Variants in RIT2 observed in about 807,000 individuals in gnomAD.
RIT2 encodes GTP-binding protein Rit2.
A neutral mutation model predicts 23.7 loss-of-function variants in RIT2; 24 were observed. The observed-to-expected ratio is 1.01, with a 90% CI of 0.73 to 1.43. RIT2 has a LOEUF of 1.43. Among genes scored for constraint, RIT2 ranks in the 40% most tolerant of loss-of-function variants. The pLI is 0.00. For synonymous variants in RIT2, 107 were observed against 91.1 expected (o/e 1.17, Z -0.99); for missense variants, 236 against 266.9 (o/e 0.88, Z 0.81).
intron 4 of RIT2, among the ~76,000 whole-genome samples, chr18:42,870,837 G>A (rs73471633): frequency 0.026 from 3,891 of 152,180 alleles, 164 homozygotes; most frequent in African/African-American, 0.086. Context: ...TAGGAAATTC[G>A]CTTTTAGCAG....
chr18:42,766,943 A>G (rs1322059745), intron 4 of RIT2, among the ~76,000 whole-genome samples: 1 of 152,214 alleles, frequency 6.6e-6, no homozygotes, highest in Non-Finnish European at 1.5e-5. Flanking sequence ...ACAGAAGTCA[A>G]TAATTTAGGT....
chr18:42,762,621 C>A (rs1373024787), intron 4 of RIT2, among the ~76,000 whole-genome samples: 1 of 152,094 alleles, frequency 6.6e-6, no homozygotes, highest in Admixed American at 6.6e-5. Context: ...ATCAAAGTGA[C>A]CTGAATTCAC....
chr18:43,113,474 T>C (rs1484107739), intron 1 of RIT2, among the ~76,000 whole-genome samples: 1 of 152,176 alleles, frequency 6.6e-6, no homozygotes, highest in Non-Finnish European at 1.5e-5. Context: ...ACTTCTATTG[T>C]ACAAAGCAAA....
chr18:43,001,598 T>C (rs1911109570), intron 2 of RIT2, among the ~76,000 whole-genome samples: 1 of 151,940 alleles, frequency 6.6e-6, no homozygotes, highest in Non-Finnish European at 1.5e-5. Context: ...TGGAAACAGA[T>C]AGGGAAGATC....
At chr18:42,910,665 TG>T (rs1908746555) in intron 4 of RIT2, among the ~76,000 whole-genome samples, 1 of 152,100 alleles carries the variant, frequency 6.6e-6, no homozygotes, top group African/African-American at 2.4e-5. Context: ...GGAGTTCAGC[TG>T]GGGATAGTTG....
At chr18:42,984,831 T>C (rs9957777) in intron 2 of RIT2, among the ~76,000 whole-genome samples, 25,910 of 151,978 alleles carry the variant, frequency 0.17, 2,401 homozygotes, top group Middle Eastern at 0.23. Context: ...TCATGATTTA[T>C]AGAAAAATAC....
At chr18:42,851,040 A>C (rs2144036084) in intron 4 of RIT2, among the ~76,000 whole-genome samples, 1 of 152,328 alleles carries the variant, frequency 6.6e-6, no homozygotes, top group South Asian at 2.1e-4. Context: ...CATGAGTGAG[A>C]AAATAAAGAA....
intron 2 of RIT2, among the ~76,000 whole-genome samples, chr18:42,977,676 G>T (rs1174909704): frequency 1.3e-5 from 2 of 151,532 alleles, no homozygotes; most frequent in Non-Finnish European, 2.9e-5. Flanking sequence ...ATAATGGTGG[G>T]AGACATACAT....
At chr18:42,893,817 C>T (rs1908248704) in intron 4 of RIT2, among the ~76,000 whole-genome samples, 2 of 152,116 alleles carry the variant, frequency 1.3e-5, no homozygotes, top group Admixed American at 1.3e-4. Flanking sequence ...TGGTACACCC[C>T]TCACTCCTTT....
intron 1 of RIT2, among the ~76,000 whole-genome samples, chr18:43,096,915 T>C (rs947550200): frequency 6.6e-6 from 1 of 151,900 alleles, no homozygotes; most frequent in Non-Finnish European, 1.5e-5. Flanking sequence ...AAACAAAATC[T>C]AATGGACTGA....
At chr18:43,041,066 G>A (rs907734840) in intron 1 of RIT2, among the ~76,000 whole-genome samples, 2 of 152,046 alleles carry the variant, frequency 1.3e-5, no homozygotes, top group Non-Finnish European at 2.9e-5. Context: ...CTAGATAGGA[G>A]TACATCTGAA....
At chr18:42,916,348 A>G (rs188485161) in intron 4 of RIT2, among the ~76,000 whole-genome samples, 2 of 152,208 alleles carry the variant, frequency 1.3e-5, no homozygotes, top group Admixed American at 6.6e-5. Context: ...TCTGTTGTCT[A>G]TCTCCAGATT....
intron 3 of RIT2, among the ~76,000 whole-genome samples, chr18:42,938,475 T>C (rs1214669362): frequency 6.6e-6 from 1 of 152,192 alleles, no homozygotes; most frequent in Non-Finnish European, 1.5e-5. Context: ...CAAAATTTGG[T>C]ACTTCCTTTC....
intron 1 of RIT2, among the ~76,000 whole-genome samples, chr18:43,094,127 T>TC (rs1568080499): frequency 7.7e-6 from 1 of 129,824 alleles, no homozygotes; most frequent in Non-Finnish European, 1.7e-5. Context: ...TTTTTTGTTT[T>TC]TTTTTTTTTT....
At chr18:42,781,186 T>C in intron 4 of RIT2, among the ~76,000 whole-genome samples, 1 of 7,702 alleles carries the variant, frequency 1.3e-4, no homozygotes, top group Admixed American at 2.6e-3. Flanking sequence ...AATTTCTGAT[T>C]TTATGTATTG....
chr18:42,935,568 G>T (rs540295170), intron 3 of RIT2, among the ~76,000 whole-genome samples: 1 of 152,240 alleles, frequency 6.6e-6, no homozygotes, highest in South Asian at 2.1e-4. Flanking sequence ...ATCGAAGAGA[G>T]CCCGGAACTT....
chr18:42,856,827 CTT>C (rs756725926), intron 4 of RIT2, among the ~76,000 whole-genome samples: 8 of 114,606 alleles, frequency 7.0e-5, no homozygotes, highest in Non-Finnish European at 5.0e-5. Context: ...CTCTCTCTCT[CTT>C]TTTTTTTTTT....
At chr18:43,018,360 CT>C (rs71175932) in intron 2 of RIT2, among the ~76,000 whole-genome samples, 143,892 of 149,986 alleles carry the variant, frequency 0.96, 69,252 homozygotes, top group East Asian at 1. Flanking sequence ...TCTGTTTCTG[CT>C]TTTTTTTTTT....
intron 2 of RIT2, among the ~76,000 whole-genome samples, chr18:43,027,469 T>A: frequency 6.6e-6 from 1 of 152,042 alleles, no homozygotes; most frequent in South Asian, 2.1e-4. Flanking sequence ...TAGTACTGGC[T>A]TATGTAGGAG....
Sources: allele counts gnomAD v4.1 joint callset (sites outside exome capture counted in the v4.1 genomes callset), GRCh38; gene constraint gnomAD v4.1.1; transcripts MANE v1.5; gene names NCBI Gene and HGNC (gene_info 2026-07-23, HGNC 2026-07-21).